Variants in PDE2A observed in about 807,000 individuals in gnomAD.
PDE2A encodes the protein cGMP-dependent 3',5'-cyclic phosphodiesterase.
Under a neutral mutation model 133.6 loss-of-function variants are expected in PDE2A, and 53 were observed. The ratio of observed to expected loss-of-function variants is 0.40; its 90% CI spans 0.32 to 0.50. The LOEUF (loss-of-function observed/expected upper bound fraction) is 0.50, where lower values mean the gene tolerates loss of function less well. PDE2A is among the 20% of genes least tolerant of loss of function. The pLI is 0.73. For missense variants in PDE2A, 796 were observed against 1,232.4 expected (o/e 0.65, Z 5.30); for synonymous variants, 491 against 490.2 (o/e 1.00, Z -0.02).
intron 1 of PDE2A, among the ~76,000 whole-genome samples, chr11:72,663,349 G>T (rs927909877): frequency 6.6e-6 from 1 of 152,212 alleles, no homozygotes; most frequent in Non-Finnish European, 1.5e-5. Flanking sequence ...TACAGAGCGC[G>T]GTGATCACGG....
Position 72,591,281 on chromosome 11 carries a change from C to CCCCACT in PDE2A, c.549+10_549+15dup. On this transcript the variant is annotated intron_variant, in intron 7 of 30. Coordinates refer to ENST00000334456, the MANE Select transcript of PDE2A (RefSeq NM_002599.5). ...GGGTCTTCAGCCTCATTGCACATGGCCCCACTCCCACTCACATGCTTCTCC... is the reference window on the plus strand; with the variant it reads ...GGGTCTTCAGCCTCATTGCACATGGCCCCACTCCCACTCCCACTCACATGCTTCTCC... 1 of 1,606,978 alleles carries CCCCACT rather than the reference C, an allele frequency of 6.2e-7. No individual in the cohort carries two copies. Among genetic ancestry groups the CCCCACT allele is most frequent in the Non-Finnish European group, 8.5e-7 (1 of 1,173,596 alleles).
intron 1 of PDE2A, among the ~76,000 whole-genome samples, chr11:72,653,888 G>A (rs2135450891): frequency 6.6e-6 from 1 of 152,356 alleles, no homozygotes; most frequent in Non-Finnish European, 1.5e-5. Context: ...CAAGGGGACA[G>A]GTCTTGCCCA....
chr11:72,630,067 C>T (rs1348588239), intron 2 of PDE2A, among the ~76,000 whole-genome samples: 3 of 152,124 alleles, frequency 2.0e-5, no homozygotes, highest in African/African-American at 4.8e-5. Flanking sequence ...GTTTGCTCGT[C>T]AAGGCCCCTT....
chr11:72,645,073 T>A (rs1169375628), intron 1 of PDE2A, among the ~76,000 whole-genome samples: 1 of 152,190 alleles, frequency 6.6e-6, no homozygotes, highest in African/African-American at 2.4e-5. Flanking sequence ...ATTTCTTCAG[T>A]CTTACTTGAA....
chr11:72,584,412 C>G, intron 18 of PDE2A, 99 bp from the exon 19 acceptor site: 1 of 1,256,552 alleles, frequency 8.0e-7, no homozygotes, highest in Non-Finnish European at 1.1e-6. Flanking sequence ...CCGCAGGTTA[C>G]GTACGTCCCA....
chr11:72,628,551 G>A (rs188631078), intron 2 of PDE2A, among the ~76,000 whole-genome samples: 6 of 152,246 alleles, frequency 3.9e-5, no homozygotes, highest in Non-Finnish European at 8.8e-5. Flanking sequence ...GAATGGTCTC[G>A]ATCTCCTGAC....
chr11:72,598,653 C>T lies in PDE2A; in HGVS notation c.324-1034G>A, dbSNP rs1246592370. On this transcript the variant is annotated intron_variant, in intron 4 of 30. Coordinates refer to ENST00000334456, the MANE Select transcript of PDE2A (RefSeq NM_002599.5). ...GGGGAACTGTGTGCATACAGGGTCACTAAGGGAAGCCCAGCAAAGGTCACA... is the reference window on the plus strand; with the variant it reads ...GGGGAACTGTGTGCATACAGGGTCATTAAGGGAAGCCCAGCAAAGGTCACA... 9 of 1,288,684 alleles carry T rather than the reference C, an allele frequency of 7.0e-6. No individual in the cohort carries two copies. The Admixed American group carries it at 2.1e-4, about 30-fold the overall frequency. 79.8% of individuals were successfully genotyped at this position (1,288,684 alleles called of 1,614,324 possible). A position where few individuals can be genotyped will look rare whatever the true frequency, so the allele number is the denominator to read the frequency against.
rs752900026 is a variant in PDE2A at position 72,598,508 on chromosome 11, C to T, written c.324-889G>A. ...CTGGCTCATCCCGCTTAATTAAGCA[C>T]CTGAGTTTGCACCAAATGTCACTCC... On this transcript the variant is annotated intron_variant, in intron 4 of 30. Transcript: ENST00000334456. 4.7e-6 allele frequency: 6 copies of T among 1,289,078 alleles called. No homozygotes were observed. The South Asian group carries it at 6.2e-5, about 13-fold the overall frequency. 79.9% of individuals were successfully genotyped at this position (1,289,078 alleles called of 1,614,324 possible).
At chr11:72,651,816 A>C (rs775956866) in intron 1 of PDE2A, among the ~76,000 whole-genome samples, 2 of 152,142 alleles carry the variant, frequency 1.3e-5, no homozygotes, top group African/African-American at 2.4e-5. Context: ...CTCTGTCCTC[A>C]GGCCCCCGCC....
chr11:72,664,361 A>C (rs2135461588), intron 1 of PDE2A, among the ~76,000 whole-genome samples: 1 of 112,212 alleles, frequency 8.9e-6, no homozygotes. Flanking sequence ...AGCCCCTTGA[A>C]GGATTTTTTT....
In PDE2A at chr11:72,584,964, G is replaced by T; in HGVS notation, c.1287-20C>A. The T allele has an allele frequency of 6.2e-7, 1 of 1,612,790 alleles. No homozygotes were observed. Among genetic ancestry groups the T allele is most frequent in the Non-Finnish European group, 8.5e-7 (1 of 1,178,794 alleles). On this transcript the variant is annotated intron_variant, in intron 16 of 30. Transcript: ENST00000334456. The stretch of plus-strand genomic sequence containing the variant: ...GAGCAGCTGTGGAGGGAGGGGTTTG[G>T]TCCTCTGGGGCCTGACAACCCCCTC...
chr11:72,673,561 G>A (rs1376976833), intron 1 of PDE2A, among the ~76,000 whole-genome samples: 4 of 152,072 alleles, frequency 2.6e-5, no homozygotes, highest in African/African-American at 9.7e-5. Context: ...ACCCTATCCT[G>A]GGACAGACGC....
intron 11 of PDE2A, 125 bp from the exon 12 acceptor site, chr11:72,589,365 G>T: frequency 1.4e-6 from 1 of 740,370 alleles, no homozygotes; most frequent in African/African-American, 1.7e-5. Flanking sequence ...GGTGGACAGG[G>T]TCAGCATTGA....
chr11:72,579,420 GA>G, intron 26 of PDE2A, 37 bp from the exon 27 acceptor site: 1 of 1,584,278 alleles, frequency 6.3e-7, no homozygotes, highest in Non-Finnish European at 8.7e-7. Flanking sequence ...CCTCCTACTG[GA>G]CACCCCCACC....
chr11:72,632,730 C>G (rs887928228), intron 2 of PDE2A, among the ~76,000 whole-genome samples: 2 of 152,152 alleles, frequency 1.3e-5, no homozygotes, highest in Non-Finnish European at 2.9e-5. Context: ...CCTCCCCTCC[C>G]CTGAGAGGAG....
At chr11:72,617,797 A>G (rs1857547181) in intron 2 of PDE2A, among the ~76,000 whole-genome samples, 2 of 152,142 alleles carry the variant, frequency 1.3e-5, no homozygotes, top group Non-Finnish European at 2.9e-5. Context: ...TTGGGAGAAG[A>G]GCGGGGTCCA....
chr11:72,622,455 A>G (rs1175642319), intron 2 of PDE2A, among the ~76,000 whole-genome samples: 1 of 152,214 alleles, frequency 6.6e-6, no homozygotes, highest in Non-Finnish European at 1.5e-5. Context: ...AAGCAACCCA[A>G]GTGTCTGGTG....
chr11:72,581,800 A>C, intron 22 of PDE2A, 77 bp downstream of exon 22: 1 of 1,356,906 alleles, frequency 7.4e-7, no homozygotes. Flanking sequence ...GATCCTCTCC[A>C]GAATGCCGGG....
chr11:72,624,117 G>A (rs7119321), intron 2 of PDE2A, among the ~76,000 whole-genome samples: 53,693 of 151,094 alleles, frequency 0.36, 11,067 homozygotes, highest in Middle Eastern at 0.52. Context: ...TCAACCTCCC[G>A]AGCAGCTGAG....
Sources: allele counts gnomAD v4.1 joint callset (sites outside exome capture counted in the v4.1 genomes callset), GRCh38; gene constraint gnomAD v4.1.1; transcripts MANE v1.5; gene names NCBI Gene and HGNC (gene_info 2026-07-23, HGNC 2026-07-21).